RUNX2: variants seen among roughly 807,000 people sequenced by gnomAD.
RUNX2 encodes the protein RUNX family transcription factor 2, also known as runt-related transcription factor 2.
RUNX2 carries 10 observed loss-of-function variants against 51.7 expected under a neutral mutation model. The observed-to-expected ratio is 0.19, with a 90% CI of 0.12 to 0.33. RUNX2 has a LOEUF of 0.33. Among genes scored for constraint, RUNX2 ranks in the 10% least tolerant of loss-of-function variants. The pLI is 1.00. For synonymous variants in RUNX2, 276 were observed against 273.6 expected, an observed-to-expected ratio of 1.01 and a Z score of -0.09; for missense variants, 562 against 691.3, an observed-to-expected ratio of 0.81 and a Z score of 2.10.
chr6:45,343,642 G>A (rs531522958), intron 2 of RUNX2, among the ~76,000 whole-genome samples: 20 of 152,184 alleles, frequency 1.3e-4, no homozygotes, highest in South Asian at 1.2e-3. Context: ...ATAACAGTAC[G>A]AACTAGCTAC....
chr6:45,377,834 G>A (rs1224667709), intron 2 of RUNX2: 1 of 154,304 alleles, frequency 6.5e-6, no homozygotes, highest in Non-Finnish European at 1.4e-5. Flanking sequence ...GGTGGAGATG[G>A]TGCGGTTTCT....
intron 7 of RUNX2, among the ~76,000 whole-genome samples, chr6:45,532,757 T>A (rs1051588725): frequency 6.6e-6 from 1 of 152,050 alleles, no homozygotes; most frequent in African/African-American, 2.4e-5. Flanking sequence ...ACATCTGGAG[T>A]GGACTCAGTG....
At chr6:45,410,642 A>G (rs148152247) in intron 2 of RUNX2, among the ~76,000 whole-genome samples, 71 of 152,226 alleles carry the variant, frequency 4.7e-4, no homozygotes, top group East Asian at 1.2e-3. Context: ...GACTTCTTCA[A>G]TCGTGTGGTT....
At chr6:45,470,126 A>C (rs565955737) in intron 5 of RUNX2, among the ~76,000 whole-genome samples, 1 of 152,350 alleles carries the variant, frequency 6.6e-6, no homozygotes, top group South Asian at 2.1e-4. Flanking sequence ...TTAAATAATT[A>C]GTCGAACCAT....
intron 2 of RUNX2, among the ~76,000 whole-genome samples, chr6:45,379,314 A>C (rs1164229199): frequency 6.6e-6 from 1 of 152,278 alleles, no homozygotes; most frequent in Non-Finnish European, 1.5e-5. Context: ...ATAACTTCTT[A>C]CATGGGAAGA....
chr6:45,365,096 C>T, intron 2 of RUNX2: 1 of 727,966 alleles, frequency 1.4e-6, no homozygotes, highest in Non-Finnish European at 2.1e-6. Flanking sequence ...TGATTAATAA[C>T]AAATTATTTC....
chr6:45,331,884 A>G (rs1006247220), intron 2 of RUNX2, among the ~76,000 whole-genome samples: 2 of 152,032 alleles, frequency 1.3e-5, no homozygotes, highest in Non-Finnish European at 2.9e-5. Context: ...TAAATCAGTC[A>G]TGCTAAAGTT....
chr6:45,372,780 T>C (rs1449208911), intron 2 of RUNX2, among the ~76,000 whole-genome samples: 1 of 151,916 alleles, frequency 6.6e-6, no homozygotes, highest in Non-Finnish European at 1.5e-5. Context: ...CACCTCAGCC[T>C]CCCAAGCAGT....
intron 2 of RUNX2, among the ~76,000 whole-genome samples, chr6:45,335,923 A>G (rs531772059): frequency 6.6e-6 from 1 of 151,472 alleles, no homozygotes; most frequent in Admixed American, 6.6e-5. Flanking sequence ...GAGTCAATGC[A>G]AAAATGAAAT....
chr6:45,482,090 AGCTACG>A (rs1206458670), intron 5 of RUNX2, among the ~76,000 whole-genome samples: 1 of 152,252 alleles, frequency 6.6e-6, no homozygotes, highest in African/African-American at 2.4e-5. Flanking sequence ...ATGGGAGAGG[AGCTACG>A]GCGAAGTTAG....
intron 2 of RUNX2, among the ~76,000 whole-genome samples, chr6:45,365,792 T>C (rs1795034733): frequency 6.6e-6 from 1 of 151,466 alleles, no homozygotes; most frequent in African/African-American, 2.4e-5. Context: ...AGCTGAAAGA[T>C]ACAAAATTAG....
At chr6:45,473,156 A>T (rs1335450446) in intron 5 of RUNX2, among the ~76,000 whole-genome samples, 1 of 152,154 alleles carries the variant, frequency 6.6e-6, no homozygotes, top group Non-Finnish European at 1.5e-5. Context: ...CTTTGCGCTG[A>T]AGGGATTTTA....
chr6:45,331,320 A>G (rs1787465221), intron 2 of RUNX2, among the ~76,000 whole-genome samples: 3 of 152,076 alleles, frequency 2.0e-5, no homozygotes, highest in Admixed American at 2.0e-4. Context: ...TCATGAAAAT[A>G]TATCAGCTGA....
intron 6 of RUNX2, among the ~76,000 whole-genome samples, chr6:45,506,093 G>C (rs1031285073): frequency 6.6e-6 from 1 of 152,164 alleles, no homozygotes; most frequent in Non-Finnish European, 1.5e-5. Flanking sequence ...TGTTGTTGCA[G>C]ATCTGAGGGG....
At chr6:45,528,480 G>T (rs531076574) in intron 7 of RUNX2, among the ~76,000 whole-genome samples, 33 of 152,220 alleles carry the variant, frequency 2.2e-4, no homozygotes, top group African/African-American at 7.7e-4. Flanking sequence ...AATTAGTCGG[G>T]TGTGGTGGCA....
At chr6:45,514,762 C>A (rs1801267388) in intron 7 of RUNX2, among the ~76,000 whole-genome samples, 1 of 152,006 alleles carries the variant, frequency 6.6e-6, no homozygotes, top group African/African-American at 2.4e-5. Context: ...ATTTCTAATT[C>A]CCTGGGGACT....
intron 5 of RUNX2, among the ~76,000 whole-genome samples, chr6:45,465,171 A>G (rs1434447198): frequency 6.6e-6 from 1 of 152,158 alleles, no homozygotes; most frequent in Non-Finnish European, 1.5e-5. Flanking sequence ...TGATGTATTT[A>G]TAAGCCTTGG....
At chr6:45,464,786 A>G (rs1472154031) in intron 5 of RUNX2, among the ~76,000 whole-genome samples, 1 of 152,196 alleles carries the variant, frequency 6.6e-6, no homozygotes, top group East Asian at 1.9e-4. Context: ...TTTCATAACC[A>G]TAGGTATTTA....
intron 2 of RUNX2, among the ~76,000 whole-genome samples, chr6:45,375,989 A>G (rs1321761186): frequency 2.6e-5 from 4 of 152,208 alleles, no homozygotes; most frequent in African/African-American, 9.6e-5. Context: ...TTATTACACA[A>G]AAGGTTAAAA....
Sources: gnomAD v4.1 joint callset for allele counts (sites outside exome capture counted in the v4.1 genomes callset) on GRCh38, gnomAD v4.1.1 for gene constraint, MANE v1.5 for transcripts, NCBI Gene and HGNC (gene_info 2026-07-23, HGNC 2026-07-21) for gene names.